EPHA6: variants seen among roughly 807,000 people sequenced by gnomAD.
EPHA6 encodes the protein ephrin type-A receptor 6.
A neutral mutation model predicts 112.0 loss-of-function variants in EPHA6; 50 were observed. That is an observed-to-expected ratio of 0.45 (90% CI 0.36 to 0.56). The LOEUF (loss-of-function observed/expected upper bound fraction) is 0.56. Among genes scored for constraint, EPHA6 ranks in the 20% least tolerant of loss-of-function variants. The probability of loss-of-function intolerance (pLI) is 0.00; values close to 1 mark genes in which losing one functional copy is unlikely to be tolerated. For missense variants in EPHA6, 1,280 were observed against 1,417.4 expected, an observed-to-expected ratio of 0.90 and a Z score of 1.56; for synonymous variants, 529 against 490.7, an observed-to-expected ratio of 1.08 and a Z score of -1.03.
chr3:97,463,159 G>A (rs956210739), intron 7 of EPHA6, among the ~76,000 whole-genome samples: 4 of 151,984 alleles, frequency 2.6e-5, no homozygotes, highest in East Asian at 1.9e-4. Flanking sequence ...TTGCAGGTTC[G>A]TTACATATGT....
intron 14 of EPHA6, among the ~76,000 whole-genome samples, chr3:97,694,239 TC>T (rs2032866244): frequency 6.7e-6 from 1 of 149,512 alleles, no homozygotes; most frequent in South Asian, 2.1e-4. Flanking sequence ...TATTTCTTTT[TC>T]TTTTTTTTTT....
At chr3:97,341,113 G>A (rs1559902262) in intron 5 of EPHA6, among the ~76,000 whole-genome samples, 1 of 152,132 alleles carries the variant, frequency 6.6e-6, no homozygotes, top group Non-Finnish European at 1.5e-5. Flanking sequence ...TTCCTCTTAA[G>A]TACCTGAATA....
intron 5 of EPHA6, among the ~76,000 whole-genome samples, chr3:97,264,386 G>A (rs1440921827): frequency 2.6e-5 from 4 of 152,232 alleles, no homozygotes; most frequent in South Asian, 2.1e-4. Context: ...GTGCCGGCAC[G>A]GGCACCAGTT....
chr3:97,201,048 C>T (rs1405974917), intron 3 of EPHA6, among the ~76,000 whole-genome samples: 2 of 152,052 alleles, frequency 1.3e-5, no homozygotes, highest in Admixed American at 1.3e-4. Context: ...TAGAGGAAAA[C>T]ATGTCTAAAT....
At chr3:97,617,715 TCAA>T (rs2093778181) in intron 13 of EPHA6, among the ~76,000 whole-genome samples, 1 of 152,118 alleles carries the variant, frequency 6.6e-6, no homozygotes, top group African/African-American at 2.4e-5. Flanking sequence ...AGGGTTCAAT[TCAA>T]CAAGATGAGC....
chr3:97,173,151 A>G (rs927145382), intron 3 of EPHA6, among the ~76,000 whole-genome samples: 2 of 151,914 alleles, frequency 1.3e-5, no homozygotes, highest in African/African-American at 4.8e-5. Context: ...GACAAGTTAG[A>G]TAACCTACCA....
At chr3:97,641,125 C>T (rs2093999990) in intron 14 of EPHA6, among the ~76,000 whole-genome samples, 1 of 152,018 alleles carries the variant, frequency 6.6e-6, no homozygotes, top group Admixed American at 6.6e-5. Context: ...GATGACCTGG[C>T]TAATGGTATT....
intron 1 of EPHA6, among the ~76,000 whole-genome samples, chr3:96,830,862 T>C (rs536067154): frequency 1.3e-5 from 2 of 152,106 alleles, no homozygotes; most frequent in Admixed American, 1.3e-4. Context: ...TACAGCATGG[T>C]GAGCATAGTT....
intron 3 of EPHA6, among the ~76,000 whole-genome samples, chr3:97,145,385 T>C (rs2076015471): frequency 2.0e-5 from 3 of 151,484 alleles, no homozygotes; most frequent in Admixed American, 2.0e-4. Context: ...TTTTTCTTCC[T>C]TTAAATCAGG....
intron 14 of EPHA6, among the ~76,000 whole-genome samples, chr3:97,684,471 T>C (rs960158508): frequency 5.3e-5 from 8 of 152,316 alleles, no homozygotes; most frequent in African/African-American, 1.9e-4. Context: ...TCTGTAAGTG[T>C]CGAAGTGACC....
chr3:97,079,895 G>C (rs2046666177), intron 3 of EPHA6, among the ~76,000 whole-genome samples: 1 of 142,580 alleles, frequency 7.0e-6, no homozygotes, highest in South Asian at 2.1e-4. Flanking sequence ...TCACATGATT[G>C]TTAGGTTTTT....
intron 2 of EPHA6, among the ~76,000 whole-genome samples, chr3:96,922,143 A>G (rs2039797840): frequency 6.6e-6 from 1 of 152,220 alleles, no homozygotes; most frequent in Non-Finnish European, 1.5e-5. Flanking sequence ...AATTAAGGAA[A>G]GAATTAAAAA....
At chr3:96,913,795 T>C (rs2039349504) in intron 2 of EPHA6, among the ~76,000 whole-genome samples, 1 of 152,144 alleles carries the variant, frequency 6.6e-6, no homozygotes, top group Non-Finnish European at 1.5e-5. Flanking sequence ...ATAATTTAGC[T>C]AAAGATAACA....
intron 1 of EPHA6, among the ~76,000 whole-genome samples, chr3:96,816,666 A>G (rs948972332): frequency 3.9e-5 from 6 of 152,210 alleles, no homozygotes; most frequent in African/African-American, 1.4e-4. Flanking sequence ...TCCCCAAACA[A>G]TGTTTATTTA....
chr3:97,664,032 T>C (rs1434334562), intron 14 of EPHA6, among the ~76,000 whole-genome samples: 1 of 152,204 alleles, frequency 6.6e-6, no homozygotes, highest in South Asian at 2.1e-4. Context: ...CCATTCTAAC[T>C]GGTGTGAGAT....
At chr3:97,250,675 A>G (rs902589861) in intron 5 of EPHA6, among the ~76,000 whole-genome samples, 1 of 152,172 alleles carries the variant, frequency 6.6e-6, no homozygotes, top group South Asian at 2.1e-4. Context: ...ATAAGGCTCT[A>G]CTTTATGGTT....
At chr3:97,739,175 T>C (rs182883749) in intron 16 of EPHA6, among the ~76,000 whole-genome samples, 11 of 152,228 alleles carry the variant, frequency 7.2e-5, no homozygotes, top group Non-Finnish European at 8.8e-5. Flanking sequence ...ACATGACATA[T>C]GTAGAATTTC....
chr3:97,733,878 T>C (rs1559635883), intron 15 of EPHA6, among the ~76,000 whole-genome samples: 1 of 152,080 alleles, frequency 6.6e-6, no homozygotes, highest in Non-Finnish European at 1.5e-5. Context: ...ACTAAAATTG[T>C]ATTGGGTGAT....
intron 6 of EPHA6, among the ~76,000 whole-genome samples, chr3:97,422,401 C>A (rs1490255720): frequency 6.6e-6 from 1 of 152,058 alleles, no homozygotes; most frequent in East Asian, 1.9e-4. Context: ...AACAAGAATA[C>A]TTAAGTATCA....
Sources: allele counts gnomAD v4.1 joint callset (sites outside exome capture counted in the v4.1 genomes callset), GRCh38; gene constraint gnomAD v4.1.1; transcripts MANE v1.5; gene names NCBI Gene and HGNC (gene_info 2026-07-23, HGNC 2026-07-21).